The following LRRC17 variants were observed in gnomAD, a reference collection of about 807,000 sequenced individuals.
The protein encoded by LRRC17 is leucine-rich repeat-containing protein 17.
Under a neutral mutation model 41.5 loss-of-function variants are expected in LRRC17, and 33 were observed. That is an observed-to-expected ratio of 0.80 (90% CI 0.60 to 1.06). The LOEUF (loss-of-function observed/expected upper bound fraction) is 1.06. Ranked by LOEUF, LRRC17 falls within the 50% of genes least tolerant of loss-of-function variation. The pLI is 0.00. For synonymous variants in LRRC17, 192 were observed against 197.0 expected, an observed-to-expected ratio of 0.97 and a Z score of 0.21; for missense variants, 491 against 519.3, an observed-to-expected ratio of 0.95 and a Z score of 0.53.
At chr7:102,929,244 T>C (rs545327895) in intron 1 of LRRC17, among the ~76,000 whole-genome samples, 1 of 152,192 alleles carries the variant, frequency 6.6e-6, no homozygotes, top group Non-Finnish European at 1.5e-5. Flanking sequence ...GAAAAATTAC[T>C]AAAGGAGGAT....
chr7:102,944,703 G>C lies in LRRC17; in HGVS notation c.*96G>C. On this transcript the variant is annotated 3_prime_UTR_variant, in exon 4 of 4. Transcript: ENST00000339431. Reference sequence around the variant, plus strand: ...TTGATTAACTGTGTTGCCTATTTATGCAGGGTAATCCAGCTAAAGGAAGCT... The same window carrying C: ...TTGATTAACTGTGTTGCCTATTTATCCAGGGTAATCCAGCTAAAGGAAGCT... 8.9e-7 allele frequency: 1 copy of C among 1,122,082 alleles called. No individual in the cohort carries two copies. The highest frequency in any genetic ancestry group is 1.2e-6 in the Non-Finnish European group (1 of 802,270). The allele number at this position is 1,122,082 out of a possible 1,614,324, so 69.5% of individuals were successfully genotyped here. A position where few individuals can be genotyped will look rare whatever the true frequency, so the allele number is the denominator to read the frequency against.
Position 102,939,062 on chromosome 7 carries a change from C to T in LRRC17, c.773-368C>T, listed in dbSNP as rs991116091. 5.3e-5 allele frequency among the ~76,000 whole-genome samples: 8 copies of T among 152,184 alleles called. No individual in the cohort carries two copies. The East Asian group carries it at 1.3e-3, about 26-fold the overall frequency. ...TGCCCTAAAATGGTTGCTCTGTCAT[C>T]CACCTTCATGTCCAGCCCAGCAGAT... On this transcript the variant is annotated intron_variant, in intron 2 of 3. Transcript: ENST00000339431.
intron 2 of LRRC17, among the ~76,000 whole-genome samples, chr7:102,937,277 G>T (rs1319738477): frequency 2.1e-4 from 32 of 151,154 alleles, no homozygotes; most frequent in Admixed American, 2.1e-3. Flanking sequence ...AGGCAGGTGG[G>T]ACACTTGAGG....
At chr7:102,940,471 A>G (rs1821210807) in intron 3 of LRRC17, among the ~76,000 whole-genome samples, 1 of 151,994 alleles carries the variant, frequency 6.6e-6, no homozygotes. Flanking sequence ...CAGCCTCCCA[A>G]AGTGCTGGGA....
chr7:102,944,307 G>C lies in LRRC17; in HGVS notation c.1026G>C (p.Leu342Phe). 1 of 1,613,484 alleles carries C rather than the reference G, an allele frequency of 6.2e-7. No individual in the cohort carries two copies. The highest frequency in any genetic ancestry group is 8.5e-7 in the Non-Finnish European group (1 of 1,179,792). The change falls in exon 4 of 4, where the codon TTG becomes TTC. Residue 342 changes from leucine to phenylalanine, a missense_variant. Coordinates refer to ENST00000339431, the MANE Select transcript of LRRC17 (RefSeq NM_001031692.3). ...GCGTATTAGAAGACTTGTATTTTTT[G>C]AAACTCTTGTGGCTCAGAGATAACC... ...DYGVLEDLYF[L>F]KLLWLRDNPW...
chr7:102,935,747 T>G (rs1820187586), intron 2 of LRRC17, among the ~76,000 whole-genome samples: 1 of 152,328 alleles, frequency 6.6e-6, no homozygotes, highest in Admixed American at 6.5e-5. Context: ...GTCTATATGT[T>G]TCATTTCTGG....
At chr7:102,918,142 C>T (rs1384914380) in intron 1 of LRRC17, among the ~76,000 whole-genome samples, 1 of 152,174 alleles carries the variant, frequency 6.6e-6, no homozygotes, top group African/African-American at 2.4e-5. Context: ...GTTTCGAGAA[C>T]ATTTTTGCAT....
intron 2 of LRRC17, among the ~76,000 whole-genome samples, chr7:102,938,975 GT>G (rs1223754376): frequency 1.3e-5 from 2 of 152,230 alleles, no homozygotes; most frequent in Non-Finnish European, 2.9e-5. Context: ...TAGGCCTAGT[GT>G]CAGGGTGTTC....
chr7:102,932,561 TACA>T (rs1819406447), intron 1 of LRRC17, among the ~76,000 whole-genome samples: 32 of 152,066 alleles, frequency 2.1e-4, no homozygotes, highest in South Asian at 4.2e-4. Flanking sequence ...ATAGTTGACA[TACA>T]GAATACAATA....
chr7:102,938,888 G>C (rs1820842790), intron 2 of LRRC17, among the ~76,000 whole-genome samples: 1 of 152,146 alleles, frequency 6.6e-6, no homozygotes, highest in Non-Finnish European at 1.5e-5. Flanking sequence ...TTTTACCCAG[G>C]ACTGCTGCTG....
chr7:102,929,932 T>C (rs572778559), intron 1 of LRRC17, among the ~76,000 whole-genome samples: 3 of 152,040 alleles, frequency 2.0e-5, no homozygotes, highest in Non-Finnish European at 4.4e-5. Flanking sequence ...TAAAGCTGTT[T>C]ATTAAAGGTC....
At chr7:102,931,296 A>G (rs1819128194) in intron 1 of LRRC17, among the ~76,000 whole-genome samples, 1 of 152,250 alleles carries the variant, frequency 6.6e-6, no homozygotes, top group Non-Finnish European at 1.5e-5. Context: ...AGGCAGAGGC[A>G]AAACCACAGA....
intron 1 of LRRC17, chr7:102,931,963 C>G (rs1413246720): frequency 1.9e-6 from 3 of 1,600,618 alleles, no homozygotes; most frequent in African/African-American, 2.7e-5. Flanking sequence ...CGTCACTAAA[C>G]TACATATTGC....
chr7:102,922,260 T>C (rs1817199788), intron 1 of LRRC17, among the ~76,000 whole-genome samples: 1 of 151,660 alleles, frequency 6.6e-6, no homozygotes. Flanking sequence ...AAATATAGAA[T>C]AGTTGGTTTA....
At chr7:102,939,689 T>A in intron 3 of LRRC17, 104 bp downstream of exon 3, 2 of 1,036,036 alleles carry the variant, frequency 1.9e-6, no homozygotes, top group Non-Finnish European at 1.4e-6. Flanking sequence ...GTAACTGAAC[T>A]AAATAATAAA....
chr7:102,930,393 C>T (rs887960946), intron 1 of LRRC17, among the ~76,000 whole-genome samples: 2 of 152,060 alleles, frequency 1.3e-5, no homozygotes. Context: ...CATTTCCCTG[C>T]CCCTGTTTTC....
At chr7:102,932,125 C>T (rs1283074568) in intron 1 of LRRC17, among the ~76,000 whole-genome samples, 8 of 152,050 alleles carry the variant, frequency 5.3e-5, no homozygotes, top group African/African-American at 1.7e-4. Context: ...AATACACAGA[C>T]ATGTTTATTA....
intron 1 of LRRC17, among the ~76,000 whole-genome samples, chr7:102,918,051 T>A (rs1816253182): frequency 6.6e-6 from 1 of 152,226 alleles, no homozygotes; most frequent in Non-Finnish European, 1.5e-5. Flanking sequence ...TCTTGGCAAG[T>A]ACTTTTTTTG....
Position 102,944,542 on chromosome 7 carries a change from T to C in LRRC17, c.1261T>C (p.Trp421Arg), listed in dbSNP as rs1822106161. ...TGACCAAGACACAGAAGATGATGAA[T>C]GGGAAAAAAAACATAGAGATCACAC... ...SFDQDTEDDEWEKKHRDHTAK... is the reference protein window; with the variant it reads ...SFDQDTEDDEREKKHRDHTAK... Residue 421 changes from tryptophan (W) to arginine (R), a missense_variant, in exon 4 of 4, where the codon TGG (tryptophan) becomes CGG (arginine). Coordinates refer to ENST00000339431, the MANE Select transcript of LRRC17 (RefSeq NM_001031692.3). 2 of 1,612,488 alleles carry C rather than the reference T, an allele frequency of 1.2e-6. No homozygotes were observed. Among genetic ancestry groups the C allele is most frequent in the African/African-American group, 1.3e-5 (1 of 74,856 alleles).
Sources: gnomAD v4.1 joint callset for allele counts (sites outside exome capture counted in the v4.1 genomes callset) on GRCh38, gnomAD v4.1.1 for gene constraint, MANE v1.5 for transcripts, NCBI Gene and HGNC (gene_info 2026-07-23, HGNC 2026-07-21) for gene names.